The following ROR1 variants were observed in gnomAD, a reference collection of about 807,000 sequenced individuals.
ROR1 encodes inactive tyrosine-protein kinase transmembrane receptor ROR1.
A neutral mutation model predicts 78.8 loss-of-function variants in ROR1; 19 were observed. The observed-to-expected ratio is 0.24, with a 90% CI of 0.17 to 0.35. The LOEUF (loss-of-function observed/expected upper bound fraction) is 0.35, where lower values mean the gene tolerates loss of function less well. ROR1 is among the 10% of genes least tolerant of loss of function. The probability of loss-of-function intolerance (pLI) is 1.00; values close to 1 mark genes in which losing one functional copy is unlikely to be tolerated. For synonymous variants in ROR1, 386 were observed against 433.6 expected, an observed-to-expected ratio of 0.89 and a Z score of 1.36; for missense variants, 917 against 1,177.8, an observed-to-expected ratio of 0.78 and a Z score of 3.24.
At chr1:63,843,501 G>A (rs978912434) in intron 1 of ROR1, 3 of 754,648 alleles carry the variant, frequency 4.0e-6, no homozygotes, top group Non-Finnish European at 4.8e-6. Flanking sequence ...GTCGTCGATG[G>A]TCTGGCTCAC....
intron 1 of ROR1, among the ~76,000 whole-genome samples, chr1:63,803,579 C>T (rs888988519): frequency 4.6e-5 from 7 of 152,172 alleles, no homozygotes; most frequent in Non-Finnish European, 7.4e-5. Context: ...CTCCTGACCT[C>T]GTGATCTACC....
chr1:64,054,578 T>C (rs188273899), intron 4 of ROR1, among the ~76,000 whole-genome samples: 1 of 152,358 alleles, frequency 6.6e-6, no homozygotes, highest in East Asian at 1.9e-4. Flanking sequence ...ACATGCCATG[T>C]TCAAACACAG....
At chr1:63,934,212 G>A (rs1645775946) in intron 1 of ROR1, among the ~76,000 whole-genome samples, 1 of 152,106 alleles carries the variant, frequency 6.6e-6, no homozygotes, top group African/African-American at 2.4e-5. Flanking sequence ...GACCTGGGTG[G>A]CCGGTATGGA....
intron 7 of ROR1, among the ~76,000 whole-genome samples, chr1:64,146,692 T>TAA (rs74664696): frequency 0.16 from 23,599 of 152,110 alleles, 2,073 homozygotes; most frequent in Non-Finnish European, 0.2. Context: ...AAATTATACC[T>TAA]AAAGTACTCG....
At chr1:63,835,110 A>G (rs867813571) in intron 1 of ROR1, among the ~76,000 whole-genome samples, 1 of 151,546 alleles carries the variant, frequency 6.6e-6, no homozygotes, top group African/African-American at 2.4e-5. Flanking sequence ...TTCTTTCTTA[A>G]CCTCCCATAA....
At chr1:63,865,594 T>C (rs1238561839) in intron 1 of ROR1, among the ~76,000 whole-genome samples, 1 of 152,192 alleles carries the variant, frequency 6.6e-6, no homozygotes, top group Non-Finnish European at 1.5e-5. Flanking sequence ...TACATGTTGC[T>C]CAAAGGGTTA....
At chr1:64,019,318 G>C (rs980683882) in intron 2 of ROR1, among the ~76,000 whole-genome samples, 2 of 152,168 alleles carry the variant, frequency 1.3e-5, no homozygotes, top group East Asian at 3.8e-4. Context: ...GGAGTGAGAA[G>C]TCCTTGGTTT....
At chr1:63,857,886 T>G (rs1037037849) in intron 1 of ROR1, among the ~76,000 whole-genome samples, 4 of 152,314 alleles carry the variant, frequency 2.6e-5, no homozygotes, top group African/African-American at 9.6e-5. Flanking sequence ...TGGAAATGGC[T>G]TGAGGTTCTT....
chr1:64,042,869 G>T (rs1646755440), intron 2 of ROR1, among the ~76,000 whole-genome samples: 1 of 152,234 alleles, frequency 6.6e-6, no homozygotes, highest in Non-Finnish European at 1.5e-5. Context: ...TGAACAGAAT[G>T]TTCTCTCCAA....
intron 4 of ROR1, among the ~76,000 whole-genome samples, chr1:64,111,738 G>A (rs919831395): frequency 6.6e-6 from 1 of 152,226 alleles, no homozygotes; most frequent in African/African-American, 2.4e-5. Context: ...GAGGGAAAAA[G>A]TGGAATTAAA....
chr1:63,885,442 AC>A (rs1276971461), intron 1 of ROR1, among the ~76,000 whole-genome samples: 3 of 152,184 alleles, frequency 2.0e-5, no homozygotes, highest in East Asian at 1.9e-4. Flanking sequence ...TGTTGAACAA[AC>A]AGGGGGATAT....
chr1:63,891,996 T>C (rs1284156763), intron 1 of ROR1, among the ~76,000 whole-genome samples: 1 of 152,208 alleles, frequency 6.6e-6, no homozygotes, highest in Non-Finnish European at 1.5e-5. Context: ...TCTGGTTCAC[T>C]GGAGAACTCT....
rs139259413 is a variant in ROR1 at position 64,159,226 on chromosome 1, G to A, written c.1386+34G>A. On this transcript the variant is annotated intron_variant, in intron 8 of 8. Coordinates refer to ENST00000371079, the MANE Select transcript of ROR1 (RefSeq NM_005012.4). ...AGCAGTACAGAGCTACATTTGTTCC[G>A]TGGGCTTCAAGTTAAAGCACCATGT... 23 of 1,519,128 alleles carry A rather than the reference G, an allele frequency of 1.5e-5. No homozygotes were observed. The East Asian group carries it at 2.0e-4, about 13-fold the overall frequency. The allele number at this position is 1,519,128 out of a possible 1,614,324, so 94.1% of individuals were successfully genotyped here. A position where few individuals can be genotyped will look rare whatever the true frequency, so the allele number is the denominator to read the frequency against.
At chr1:63,989,870 A>T (rs979196342) in intron 1 of ROR1, among the ~76,000 whole-genome samples, 1 of 152,198 alleles carries the variant, frequency 6.6e-6, no homozygotes, top group African/African-American at 2.4e-5. Flanking sequence ...TGCGTCTCTC[A>T]ATCAGTTCAA....
intron 8 of ROR1, among the ~76,000 whole-genome samples, chr1:64,164,566 T>C (rs1187264875): frequency 6.6e-6 from 1 of 152,210 alleles, no homozygotes; most frequent in Non-Finnish European, 1.5e-5. Flanking sequence ...CAGAAATTAC[T>C]ATTATTGTTA....
chr1:63,787,174 C>T (rs1017160501), intron 1 of ROR1, among the ~76,000 whole-genome samples: 2 of 152,154 alleles, frequency 1.3e-5, no homozygotes, highest in African/African-American at 4.8e-5. Flanking sequence ...AATTCTTGTT[C>T]TTCAAACTGT....
intron 1 of ROR1, among the ~76,000 whole-genome samples, chr1:63,805,242 G>A (rs594697): frequency 9.9e-5 from 15 of 152,046 alleles, no homozygotes; most frequent in Non-Finnish European, 2.1e-4. Context: ...GGGAAGGAAC[G>A]AGGAGGGAGA....
chr1:64,046,534 C>T (rs752463683), intron 2 of ROR1, among the ~76,000 whole-genome samples: 7 of 152,166 alleles, frequency 4.6e-5, no homozygotes, highest in African/African-American at 1.4e-4. Context: ...TTTTATAGAG[C>T]AGATCAGGTG....
intron 1 of ROR1, among the ~76,000 whole-genome samples, chr1:64,004,722 C>T (rs908068097): frequency 2.6e-5 from 4 of 152,146 alleles, no homozygotes; most frequent in African/African-American, 9.7e-5. Flanking sequence ...GTAATCCTTT[C>T]GGAGAGCACA....
Sources: allele counts gnomAD v4.1 joint callset (sites outside exome capture counted in the v4.1 genomes callset), GRCh38; gene constraint gnomAD v4.1.1; transcripts MANE v1.5; gene names NCBI Gene and HGNC (gene_info 2026-07-23, HGNC 2026-07-21).